DTNB: variants seen among roughly 807,000 people sequenced by gnomAD.
The protein encoded by DTNB is DTN-B.
DTNB carries 63 observed loss-of-function variants against 90.7 expected under a neutral mutation model. The observed-to-expected ratio is 0.69, with a 90% CI of 0.57 to 0.86. DTNB has a LOEUF of 0.86. DTNB is among the 40% of genes least tolerant of loss of function. The probability of loss-of-function intolerance (pLI) is 0.00; values close to 1 mark genes in which losing one functional copy is unlikely to be tolerated. For synonymous variants in DTNB, 277 were observed against 286.7 expected, an observed-to-expected ratio of 0.97 and a Z score of 0.34; for missense variants, 744 against 807.1, an observed-to-expected ratio of 0.92 and a Z score of 0.95.
chr2:25,406,138 C>A (rs1454612117), intron 16 of DTNB, among the ~76,000 whole-genome samples: 5 of 152,076 alleles, frequency 3.3e-5, no homozygotes, highest in Non-Finnish European at 7.4e-5. Context: ...GCCCACCCTT[C>A]CGATAGCCAA....
intron 6 of DTNB, among the ~76,000 whole-genome samples, chr2:25,586,468 C>T (rs2062432997): frequency 6.6e-6 from 1 of 150,582 alleles, no homozygotes; most frequent in South Asian, 2.1e-4. Flanking sequence ...CGAGATTGCG[C>T]CACTGCACTC....
At chr2:25,392,077 A>G (rs1229661210) in intron 16 of DTNB, among the ~76,000 whole-genome samples, 1 of 152,140 alleles carries the variant, frequency 6.6e-6, no homozygotes, top group Non-Finnish European at 1.5e-5. Context: ...GCAGAACTAA[A>G]TGAAACTGAA....
At chr2:25,490,121 A>T (rs950392561) in intron 9 of DTNB, among the ~76,000 whole-genome samples, 18 of 152,172 alleles carry the variant, frequency 1.2e-4, no homozygotes, top group African/African-American at 4.3e-4. Context: ...ACAAAAAATT[A>T]AAAAATCAGC....
At chr2:25,646,903 C>A (rs1222197779) in intron 2 of DTNB, among the ~76,000 whole-genome samples, 1 of 152,132 alleles carries the variant, frequency 6.6e-6, no homozygotes, top group Non-Finnish European at 1.5e-5. Flanking sequence ...GAATTTGACT[C>A]TTTTTGTCAA....
intron 19 of DTNB, among the ~76,000 whole-genome samples, chr2:25,382,116 C>T (rs1473437168): frequency 3.3e-5 from 5 of 152,328 alleles, no homozygotes; most frequent in East Asian, 1.9e-4. Flanking sequence ...TTCACTCCCC[C>T]GAGCCTTGTT....
At chr2:25,581,322 A>G (rs1455473717) in intron 6 of DTNB, among the ~76,000 whole-genome samples, 1 of 152,222 alleles carries the variant, frequency 6.6e-6, no homozygotes, top group African/African-American at 2.4e-5. Flanking sequence ...TGAAAAGATA[A>G]TAATAATAAT....
intron 12 of DTNB, among the ~76,000 whole-genome samples, chr2:25,437,726 C>A (rs139117985): frequency 2.6e-5 from 4 of 152,238 alleles, no homozygotes; most frequent in East Asian, 3.9e-4. Context: ...ACATAGGATG[C>A]TTTGGCCAGA....
intron 16 of DTNB, among the ~76,000 whole-genome samples, chr2:25,405,136 C>T (rs2044760615): frequency 6.6e-6 from 1 of 152,076 alleles, no homozygotes; most frequent in Admixed American, 6.6e-5. Flanking sequence ...CCATGTTGCC[C>T]AGGCTGATTT....
At chr2:25,403,962 A>G (rs1021763584) in intron 16 of DTNB, among the ~76,000 whole-genome samples, 1 of 152,174 alleles carries the variant, frequency 6.6e-6, no homozygotes, top group African/African-American at 2.4e-5. Context: ...TCCAGCTGCC[A>G]TTTACTAGCT....
chr2:25,426,217 CAT>C (rs1335354782), intron 15 of DTNB, among the ~76,000 whole-genome samples: 2 of 152,120 alleles, frequency 1.3e-5, no homozygotes, highest in Non-Finnish European at 2.9e-5. Context: ...GCTGGTAAAA[CAT>C]AATTTCTGGG....
chr2:25,416,826 AAGG>A (rs2048088752), intron 16 of DTNB, among the ~76,000 whole-genome samples: 1 of 151,516 alleles, frequency 6.6e-6, no homozygotes, highest in Non-Finnish European at 1.5e-5. Flanking sequence ...GGAAGGAAGG[AAGG>A]AAGGAAGGAA....
At chr2:25,532,672 C>A (rs1355841850) in intron 8 of DTNB, among the ~76,000 whole-genome samples, 1 of 152,192 alleles carries the variant, frequency 6.6e-6, no homozygotes, top group Non-Finnish European at 1.5e-5. Flanking sequence ...TTATACCGTC[C>A]ACCCAATTCC....
chr2:25,461,427 A>ATTATACAT (rs2060932526), intron 10 of DTNB, among the ~76,000 whole-genome samples: 1 of 152,212 alleles, frequency 6.6e-6, no homozygotes, highest in Admixed American at 6.5e-5. Context: ...ATAAAATATA[A>ATTATACAT]ATATACATAT....
At chr2:25,558,493 C>A in intron 8 of DTNB, 1 of 806,868 alleles carries the variant, frequency 1.2e-6, no homozygotes, top group South Asian at 5.6e-5. Context: ...ATTTGAAGAA[C>A]TGCTTGGTTT....
At chr2:25,520,512 T>C (rs889931030) in intron 9 of DTNB, among the ~76,000 whole-genome samples, 5 of 152,224 alleles carry the variant, frequency 3.3e-5, no homozygotes, top group Non-Finnish European at 7.3e-5. Flanking sequence ...TGTGCTTTAA[T>C]AATTAAACAA....
intron 9 of DTNB, among the ~76,000 whole-genome samples, chr2:25,509,746 C>CTTTTTTTTTTT (rs36101268): frequency 6.7e-4 from 56 of 83,718 alleles, no homozygotes; most frequent in East Asian, 1.4e-3. Context: ...CTTTTAGATT[C>CTTTTTTTTTTT]TTTTTTTTTT....
At chr2:25,440,011 G>C (rs1022923345) in intron 12 of DTNB, among the ~76,000 whole-genome samples, 1 of 152,170 alleles carries the variant, frequency 6.6e-6, no homozygotes, top group Non-Finnish European at 1.5e-5. Flanking sequence ...GGTAGTCAAA[G>C]CATTATGTTC....
chr2:25,552,913 T>C (rs1043368150), intron 8 of DTNB, among the ~76,000 whole-genome samples: 17 of 131,044 alleles, frequency 1.3e-4, no homozygotes, highest in African/African-American at 4.9e-4. Context: ...GACTGCGGAC[T>C]GCAGTGGCGC....
At chr2:25,606,581 T>C (rs1433998819) in intron 5 of DTNB, among the ~76,000 whole-genome samples, 2 of 152,186 alleles carry the variant, frequency 1.3e-5, no homozygotes, top group Admixed American at 1.3e-4. Context: ...TGGCATATCT[T>C]AGGGAGTTAA....
Sources: allele counts gnomAD v4.1 joint callset (sites outside exome capture counted in the v4.1 genomes callset), GRCh38; gene constraint gnomAD v4.1.1; transcripts MANE v1.5; gene names NCBI Gene and HGNC (gene_info 2026-07-23, HGNC 2026-07-21).